Variants in TTC7A observed in about 807,000 individuals in gnomAD.
TTC7A encodes tetratricopeptide repeat domain 7A.
TTC7A carries 110 observed loss-of-function variants against 103.7 expected under a neutral mutation model. The ratio of observed to expected loss-of-function variants is 1.06; its 90% CI spans 0.91 to 1.24. The LOEUF is 1.24. Among genes scored for constraint, TTC7A ranks in the 50% most tolerant of loss-of-function variants. The probability of loss-of-function intolerance (pLI) is 0.00; values close to 1 mark genes in which losing one functional copy is unlikely to be tolerated. For missense variants in TTC7A, 1,340 were observed against 1,116.3 expected (o/e 1.20, Z -2.86); for synonymous variants, 521 against 467.9 (o/e 1.11, Z -1.47).
chr2:46,965,624 C>T (rs907191771), intron 3 of TTC7A, among the ~76,000 whole-genome samples: 4 of 148,076 alleles, frequency 2.7e-5, no homozygotes, highest in Admixed American at 2.0e-4. Context: ...TGCAGTGATG[C>T]GATCTCGGCT....
intron 8 of TTC7A, among the ~76,000 whole-genome samples, chr2:47,001,075 C>T (rs1676756188): frequency 6.6e-6 from 1 of 152,138 alleles, no homozygotes; most frequent in South Asian, 2.1e-4. Context: ...CTTACCTGGC[C>T]TCCCTTAGTC....
chr2:47,011,803 G>A (rs1678086055), intron 11 of TTC7A, among the ~76,000 whole-genome samples: 1 of 152,244 alleles, frequency 6.6e-6, no homozygotes, highest in Non-Finnish European at 1.5e-5. Flanking sequence ...CATCCAATCT[G>A]CAAGGGCCTG....
At chr2:46,982,728 C>T (rs966981283) in intron 5 of TTC7A, among the ~76,000 whole-genome samples, 1 of 152,176 alleles carries the variant, frequency 6.6e-6, no homozygotes, top group African/African-American at 2.4e-5. Flanking sequence ...CTTTGGGAAG[C>T]TGAGGCAGGA....
intron 1 of TTC7A, among the ~76,000 whole-genome samples, chr2:46,942,298 G>A (rs971339828): frequency 2.0e-5 from 3 of 152,166 alleles, no homozygotes; most frequent in Non-Finnish European, 4.4e-5. Context: ...GGCTGGTTTG[G>A]CTGGGCCGGG....
chr2:47,037,210 T>C (rs1203162010), intron 15 of TTC7A, among the ~76,000 whole-genome samples: 1 of 152,194 alleles, frequency 6.6e-6, no homozygotes, highest in African/African-American at 2.4e-5. Context: ...TGTTTCCCAA[T>C]GCGTTGGATG....
chr2:47,034,754 G>T (rs1165242643), intron 15 of TTC7A, among the ~76,000 whole-genome samples: 1 of 152,120 alleles, frequency 6.6e-6, no homozygotes, highest in East Asian at 1.9e-4. Context: ...CCACCCCCTG[G>T]AACCTCCGTC....
rs761132450 is a variant in TTC7A at position 47,049,950 on chromosome 2, G to C, written c.1921G>C (p.Gly641Arg). ...QTLYSFSQLG[G>R]LEKDGSFGEG... ...CCCTGGCCCTCTTTTGCCTTCCAGA[G>C]GCCTAGAAAAGGATGGCAGCTTCGG... The change falls in exon 17 of 20, where the codon GGC (glycine) becomes CGC (arginine). Residue 641 changes from glycine to arginine, a missense_variant and splice_region_variant. By Grantham distance (125) the Gly-to-Arg change is moderately radical. Coordinates refer to ENST00000319190, the MANE Select transcript of TTC7A (RefSeq NM_020458.4). 2 of 1,613,852 alleles carry C rather than the reference G, an allele frequency of 1.2e-6. No homozygotes were observed.
At chr2:47,047,484 AC>A in intron 16 of TTC7A, 1 of 608,814 alleles carries the variant, frequency 1.6e-6, no homozygotes, top group Non-Finnish European at 2.9e-6. Flanking sequence ...ATTTGAAGCC[AC>A]CTGGCAGCTG....
Position 46,927,513 on chromosome 2 carries a change from C to A in TTC7A, c.82+10236C>A, listed in dbSNP as rs575279989. Among the ~76,000 whole-genome samples the A allele has an allele frequency of 1.5e-3, 222 of 152,054 alleles. 2 individuals are homozygous for A. Among genetic ancestry groups the A allele is most frequent in the African/African-American group, 5.1e-3 (212 of 41,472 alleles). The stretch of plus-strand genomic sequence containing the variant: ...CTGGGACTACAGGCATCCGCCACCA[C>A]GCCCGGCTAATTTTGTTTTTGTGTT... On this transcript the variant is annotated intron_variant, in intron 2 of 20. Coordinates refer to the TTC7A transcript ENST00000409245.
intron 3 of TTC7A, among the ~76,000 whole-genome samples, chr2:46,963,366 C>T (rs551819591): frequency 6.6e-5 from 10 of 152,354 alleles, no homozygotes; most frequent in South Asian, 2.1e-4. Flanking sequence ...AAGAAGCATC[C>T]GGCATAGGCC....
chr2:46,956,873 G>T lies in TTC7A; in HGVS notation c.383G>T (p.Gly128Val). 1 of 1,614,208 alleles carries T rather than the reference G, an allele frequency of 6.2e-7. No homozygotes were observed. The highest frequency in any genetic ancestry group is 2.2e-5 in the East Asian group (1 of 44,888). The change falls in exon 3 of 20, where the codon GGC becomes GTC. Residue 128 changes from glycine to valine, a missense_variant. Coordinates refer to ENST00000319190, the MANE Select transcript of TTC7A (RefSeq NM_020458.4). ...ATGTGTGAGGCCATGCTGATCCTGG[G>T]CAAACTGCATTACGTGGAGGGCTCA... Reference protein sequence around the residue: ...QYMCEAMLILGKLHYVEGSYR... With the variant: ...QYMCEAMLILVKLHYVEGSYR...
At chr2:46,980,850 G>A (rs1015379048) in intron 5 of TTC7A, among the ~76,000 whole-genome samples, 2 of 152,236 alleles carry the variant, frequency 1.3e-5, no homozygotes, top group Admixed American at 6.5e-5. Flanking sequence ...AGCAGCTCAT[G>A]GAACCCAGGA....
intron 2 of TTC7A, among the ~76,000 whole-genome samples, chr2:46,952,490 G>A (rs1440765390): frequency 6.6e-6 from 1 of 152,178 alleles, no homozygotes; most frequent in Non-Finnish European, 1.5e-5. Context: ...TATGGCTCAC[G>A]CCTGTAGTCT....
chr2:47,032,372 C>T (rs542459531), intron 15 of TTC7A, among the ~76,000 whole-genome samples: 10 of 152,304 alleles, frequency 6.6e-5, no homozygotes, highest in Admixed American at 1.3e-4. Context: ...CGGGTGCTTC[C>T]CCAAGGCTTG....
chr2:46,917,790 C>T (rs1357676465), intron 2 of TTC7A, among the ~76,000 whole-genome samples: 1 of 152,204 alleles, frequency 6.6e-6, no homozygotes, highest in East Asian at 1.9e-4. Flanking sequence ...TACTTGCCCT[C>T]TCAACACTGT....
At chr2:46,972,937 G>A (rs1484177365) in intron 3 of TTC7A, among the ~76,000 whole-genome samples, 5 of 152,162 alleles carry the variant, frequency 3.3e-5, no homozygotes, top group Admixed American at 2.0e-4. Flanking sequence ...GAGGGTGGAT[G>A]TTTTTCTTCT....
intron 3 of TTC7A, among the ~76,000 whole-genome samples, chr2:46,971,694 C>T (rs1454540519): frequency 6.6e-6 from 1 of 151,800 alleles, no homozygotes; most frequent in Non-Finnish European, 1.5e-5. Flanking sequence ...GTGCTGAGGA[C>T]TTGGTCATTA....
intron 10 of TTC7A, among the ~76,000 whole-genome samples, chr2:47,009,038 G>T (rs1176820588): frequency 6.6e-6 from 1 of 152,138 alleles, no homozygotes; most frequent in Non-Finnish European, 1.5e-5. Context: ...ACCCTGTGTG[G>T]CAAGGATCCA....
intron 2 of TTC7A, among the ~76,000 whole-genome samples, chr2:46,924,031 C>T (rs1006667815): frequency 3.3e-5 from 5 of 151,802 alleles, no homozygotes; most frequent in African/African-American, 4.8e-5. Context: ...CCACTGTGCC[C>T]GGCCTATAGA....
Sources: gnomAD v4.1 joint callset for allele counts (sites outside exome capture counted in the v4.1 genomes callset) on GRCh38, gnomAD v4.1.1 for gene constraint, MANE v1.5 for transcripts, NCBI Gene and HGNC (gene_info 2026-07-23, HGNC 2026-07-21) for gene names.